Variants in RELCH observed in about 807,000 individuals in gnomAD.
RELCH encodes the protein RAB11 binding and LisH domain, coiled-coil and HEAT repeat containing.
RELCH carries 41 observed loss-of-function variants against 150.3 expected under a neutral mutation model. That is an observed-to-expected ratio of 0.27 (90% CI 0.21 to 0.35). The LOEUF (loss-of-function observed/expected upper bound fraction) is 0.35, where lower values mean the gene tolerates loss of function less well. Ranked by LOEUF, RELCH falls within the 10% of genes least tolerant of loss-of-function variation. RELCH has a pLI of 1.00. For missense variants in RELCH, 1,092 were observed against 1,467.8 expected, an observed-to-expected ratio of 0.74 and a Z score of 4.18; for synonymous variants, 478 against 531.8, an observed-to-expected ratio of 0.90 and a Z score of 1.39.
chr18:62,221,948 T>A (rs913915909), intron 5 of RELCH, among the ~76,000 whole-genome samples: 3 of 151,950 alleles, frequency 2.0e-5, no homozygotes, highest in Non-Finnish European at 4.4e-5. Context: ...CAGCTGTATC[T>A]CTCTGAATAG....
Position 62,228,327 on chromosome 18 carries a change from G to A in RELCH, c.1177G>A (p.Glu393Lys). 6.2e-7 allele frequency: 1 copy of A among 1,611,290 alleles called. No homozygotes were observed. The change falls in exon 8 of 29, where the codon GAA (glutamate) becomes AAA (lysine). Residue 393 changes from glutamate (E) to lysine (K), a missense_variant. Glu to Lys is a moderately conservative substitution (Grantham distance 56, BLOSUM62 1). Transcript: ENST00000644646. Reference sequence around the variant, plus strand: ...CAGTGAAATGGACTTCCTCAAAAATGAACACTTTGCCATCCCAGCAGTTTG... The same window carrying A: ...CAGTGAAATGGACTTCCTCAAAAATAAACACTTTGCCATCCCAGCAGTTTG... The part of the protein sequence containing the change: ...LKSEMDFLKN[E>K]HFAIPAVCDS...
At chr18:62,291,347 A>T (rs1211317808) in intron 26 of RELCH, among the ~76,000 whole-genome samples, 196 bp from the exon 27 acceptor site, 1 of 152,226 alleles carries the variant, frequency 6.6e-6, no homozygotes, top group Non-Finnish European at 1.5e-5. Context: ...TTGTGTGAAT[A>T]AACACAATTG....
intron 25 of RELCH, chr18:62,286,036 A>G (rs1412773363): frequency 6.6e-6 from 1 of 152,190 alleles, no homozygotes; most frequent in Non-Finnish European, 1.5e-5. Flanking sequence ...ACTTCTATAG[A>G]TTTCTTCTAG....
At chr18:62,196,026 G>A (rs982809652) in intron 1 of RELCH, among the ~76,000 whole-genome samples, 2 of 151,862 alleles carry the variant, frequency 1.3e-5, no homozygotes, top group Non-Finnish European at 2.9e-5. Flanking sequence ...CCAACGTATC[G>A]TTTCTCAGAA....
intron 10 of RELCH, among the ~76,000 whole-genome samples, chr18:62,232,891 A>C (rs1368918593): frequency 6.6e-6 from 1 of 152,058 alleles, no homozygotes; most frequent in Non-Finnish European, 1.5e-5. Flanking sequence ...CCGATTATAA[A>C]TGTGTTATTA....
chr18:62,272,480 TG>T (rs2043957698), intron 20 of RELCH, among the ~76,000 whole-genome samples: 1 of 152,268 alleles, frequency 6.6e-6, no homozygotes, highest in South Asian at 2.1e-4. Context: ...TGAGTCATTA[TG>T]AAGTCTAAAT....
At chr18:62,250,661 G>A (rs1241226464) in intron 11 of RELCH, among the ~76,000 whole-genome samples, 1 of 152,188 alleles carries the variant, frequency 6.6e-6, no homozygotes, top group Non-Finnish European at 1.5e-5. Flanking sequence ...TGCTTGCAAT[G>A]TACAGTGAAG....
chr18:62,227,399 T>A lies in RELCH; in HGVS notation c.969T>A (p.Asp323Glu). 6.2e-7 allele frequency: 1 copy of A among 1,613,128 alleles called. No individual in the cohort carries two copies. Among genetic ancestry groups the A allele is most frequent in the Non-Finnish European group, 8.5e-7 (1 of 1,179,388 alleles). The change falls in exon 6 of 29, where the codon GAT becomes GAA. Residue 323 changes from aspartate to glutamate, a missense_variant. By Grantham distance (45) the Asp-to-Glu change is conservative. Around this residue, in one of 4 missense-constraint regions of RELCH, gnomAD observed 57 missense variants for 41.5 expected, o/e 1.37. Coordinates refer to ENST00000644646, the MANE Select transcript of RELCH (RefSeq NM_001346231.2). ...AAGTAACTGGAAAAGATCTTGTAGA[T>A]GTGGCCAGTGGAGTAGAAGAAGATG... is the stretch of plus-strand genomic sequence containing the variant. ...NHQVTGKDLV[D>E]VASGVEEDEL...
chr18:62,304,828 A>T (rs955202914), intron 28 of RELCH, among the ~76,000 whole-genome samples: 1 of 152,228 alleles, frequency 6.6e-6, no homozygotes, highest in Non-Finnish European at 1.5e-5. Flanking sequence ...TGTTGATTGA[A>T]ATCAATGCAA....
chr18:62,270,635 T>A (rs2144803056), intron 20 of RELCH, among the ~76,000 whole-genome samples: 1 of 152,232 alleles, frequency 6.6e-6, no homozygotes, highest in Non-Finnish European at 1.5e-5. Context: ...ATTGTACTCT[T>A]CTTTCTTTTT....
chr18:62,229,258 T>C (rs9946521), intron 8 of RELCH, among the ~76,000 whole-genome samples: 1,776 of 152,186 alleles, frequency 0.012, 27 homozygotes, highest in East Asian at 0.052. Flanking sequence ...TTATGTATAC[T>C]AACTCATTTA....
chr18:62,244,165 T>C (rs1040355543), intron 10 of RELCH, among the ~76,000 whole-genome samples: 2 of 152,150 alleles, frequency 1.3e-5, no homozygotes, highest in African/African-American at 4.8e-5. Flanking sequence ...CCTCTGCATA[T>C]TGAATGTGAA....
intron 27 of RELCH, among the ~76,000 whole-genome samples, chr18:62,297,309 AGTCT>A (rs1568449291): frequency 1.3e-5 from 2 of 152,210 alleles, no homozygotes; most frequent in Non-Finnish European, 2.9e-5. Context: ...CTTAAAGTGA[AGTCT>A]ACTGATGCAT....
In RELCH at chr18:62,282,870, C is replaced by G. The variant is rs191928111; in HGVS notation, c.3253+426C>G. Among the ~76,000 whole-genome samples, 150 of 152,212 alleles carry G rather than the reference C, an allele frequency of 9.9e-4. 1 individual carries two copies. Among genetic ancestry groups the G allele is most frequent in the African/African-American group, 3.5e-3 (146 of 41,552 alleles). Reference sequence around the variant, plus strand: ...ACGGGGTTTTGCCATGTTGGCCAGGCTGGTCTCCAGCTCCTGATCTCAGGT... The same window carrying G: ...ACGGGGTTTTGCCATGTTGGCCAGGGTGGTCTCCAGCTCCTGATCTCAGGT... On this transcript the variant is annotated intron_variant, in intron 25 of 28. Transcript: ENST00000644646.
At chr18:62,197,282 A>G (rs535050716) in intron 1 of RELCH, among the ~76,000 whole-genome samples, 1 of 152,342 alleles carries the variant, frequency 6.6e-6, no homozygotes, top group South Asian at 2.1e-4. Flanking sequence ...TGGGAAAACC[A>G]ACCTTATTTC....
intron 27 of RELCH, among the ~76,000 whole-genome samples, chr18:62,297,828 C>T (rs2045484139): frequency 6.6e-6 from 1 of 152,178 alleles, no homozygotes; most frequent in African/African-American, 2.4e-5. Context: ...CTCTTCCTAG[C>T]ATCTGCAGCA....
chr18:62,265,495 G>C (rs938573542), intron 18 of RELCH, among the ~76,000 whole-genome samples: 1 of 151,842 alleles, frequency 6.6e-6, no homozygotes, highest in Non-Finnish European at 1.5e-5. Context: ...ACTTTAGAGA[G>C]CTAATAAAAA....
chr18:62,287,319 T>G (rs1256917512), intron 25 of RELCH, 32 bp from the exon 26 acceptor site: 1 of 1,075,634 alleles, frequency 9.3e-7, no homozygotes, highest in Non-Finnish European at 1.4e-6. Flanking sequence ...ATGTTTTGGG[T>G]AAAAATTTAA....
intron 1 of RELCH, among the ~76,000 whole-genome samples, chr18:62,201,034 C>T (rs1246158770): frequency 7.9e-6 from 1 of 126,674 alleles, no homozygotes; most frequent in Non-Finnish European, 1.6e-5. Flanking sequence ...AGTGCAGTGG[C>T]GCGATCTCGG....
Sources: gnomAD v4.1 joint callset for allele counts (sites outside exome capture counted in the v4.1 genomes callset) on GRCh38, gnomAD v4.1.1 for gene constraint, gnomAD v4.1.1 regional missense constraint, MANE v1.5 for transcripts, NCBI Gene and HGNC (gene_info 2026-07-23, HGNC 2026-07-21) for gene names.